The following SRD5A2 variants were observed in gnomAD, a reference collection of about 807,000 sequenced individuals.
SRD5A2 encodes steroid 5 alpha-reductase 2.
A neutral mutation model predicts 27.4 loss-of-function variants in SRD5A2; 30 were observed. The ratio of observed to expected loss-of-function variants is 1.10; its 90% CI spans 0.82 to 1.49. The LOEUF is 1.49. Among genes scored for constraint, SRD5A2 ranks in the 40% most tolerant of loss-of-function variants. SRD5A2 has a pLI of 0.00. For missense variants in SRD5A2, 348 were observed against 323.4 expected (o/e 1.08, Z -0.58); for synonymous variants, 141 against 133.6 (o/e 1.06, Z -0.38).
At chr2:31,634,294 T>C in the SRD5A2 span, among the ~76,000 whole-genome samples, 46 of 152,012 alleles carry the variant, frequency 3.0e-4, 1 homozygote, top group East Asian at 8.1e-3. Flanking sequence ...TCAAAAGAAG[T>C]TACACTGAAA....
rs115721563 is a variant in SRD5A2, at chr2:31,539,983, C to T, written c.282-6217G>A. Among the ~76,000 whole-genome samples the T allele has an allele frequency of 6.6e-3, 999 of 152,196 alleles. 14 individuals carry two copies. Among genetic ancestry groups the T allele is most frequent in the African/African-American group, 0.023 (941 of 41,528 alleles). ...TTAAAAATCAATAGATGCCAATACA[C>T]TGTATTATGTAATTCTAAATGTACG... On this transcript the variant is annotated intron_variant, in intron 1 of 4. Coordinates refer to ENST00000622030, the MANE Select transcript of SRD5A2 (RefSeq NM_000348.4).
intron 1 of SRD5A2, 108 bp from the exon 2 acceptor site, chr2:31,533,874 G>T: frequency 1.6e-6 from 2 of 1,263,772 alleles, no homozygotes; most frequent in Non-Finnish European, 2.1e-6. Context: ...ACCAGGCTCT[G>T]CCATTTCGCC....
intron 1 of SRD5A2, among the ~76,000 whole-genome samples, chr2:31,574,910 G>T (rs1666925615): frequency 6.6e-6 from 1 of 152,180 alleles, no homozygotes; most frequent in Non-Finnish European, 1.5e-5. Flanking sequence ...ACATTCATCT[G>T]TTTACATAAT....
the SRD5A2 span, among the ~76,000 whole-genome samples, chr2:31,652,079 C>G: frequency 6.6e-6 from 1 of 152,154 alleles, no homozygotes. Flanking sequence ...CCACCTTAGC[C>G]CCCCAGTAGC....
At chr2:31,614,831 C>A in the SRD5A2 span, among the ~76,000 whole-genome samples, 1 of 152,062 alleles carries the variant, frequency 6.6e-6, no homozygotes, top group Admixed American at 6.6e-5. Flanking sequence ...GTCCTCATCC[C>A]AATCTTATCT....
the SRD5A2 span, among the ~76,000 whole-genome samples, chr2:31,630,421 T>C: frequency 8.5e-5 from 13 of 152,158 alleles, no homozygotes; most frequent in Admixed American, 5.2e-4. Flanking sequence ...AGGGTAAATT[T>C]AAAACCTATA....
the SRD5A2 span, among the ~76,000 whole-genome samples, chr2:31,647,440 T>C: frequency 6.6e-6 from 1 of 152,160 alleles, no homozygotes; most frequent in African/African-American, 2.4e-5. Flanking sequence ...CATTCCCCCG[T>C]TTTACCTTCC....
intron 1 of SRD5A2, among the ~76,000 whole-genome samples, chr2:31,577,158 AC>A (rs1302109957): frequency 6.3e-4 from 25 of 39,522 alleles, no homozygotes; most frequent in Admixed American, 2.3e-3. Context: ...AAAAAAAAAA[AC>A]ATTAAAAAAA....
chr2:31,529,310 T>A lies in SRD5A2; in HGVS notation c.695A>T (p.His232Leu), dbSNP rs748899308. 8 of 1,613,778 alleles carry A rather than the reference T, an allele frequency of 5.0e-6. No individual in the cohort carries two copies. Among genetic ancestry groups the A allele is most frequent in the Non-Finnish European group, 5.9e-6 (7 of 1,179,794 alleles). ...CCGCTTTTATTGAAAAATTTACCTATGGTGGTGAAAAGCTCGCAGCCCAAG... is the reference window on the plus strand; with the variant it reads ...CCGCTTTTATTGAAAAATTTACCTAAGGTGGTGAAAAGCTCGCAGCCCAAG... ...CFLGLRAFHH[H>L]RFYLKMFEDY... Residue 232 changes from histidine to leucine, a missense_variant, in exon 4 of 5, where the codon CAT (histidine) becomes CTT (leucine). Transcript: ENST00000622030.
the SRD5A2 span, among the ~76,000 whole-genome samples, chr2:31,619,281 A>AAGT: frequency 6.6e-6 from 1 of 152,216 alleles, no homozygotes; most frequent in East Asian, 1.9e-4. Context: ...TAGAGTTACC[A>AAGT]CATGACCGAG....
chr2:31,580,587 C>G, intron 1 of SRD5A2, 33 bp downstream of exon 1: 1 of 1,493,812 alleles, frequency 6.7e-7, no homozygotes, highest in African/African-American at 1.4e-5. Context: ...GGGCAGTGCG[C>G]TGCACTGGGC....
At chr2:31,535,412 G>A (rs541111146) in intron 1 of SRD5A2, among the ~76,000 whole-genome samples, 1 of 152,226 alleles carries the variant, frequency 6.6e-6, no homozygotes, top group South Asian at 2.1e-4. Flanking sequence ...TTCCTCTCTT[G>A]GCTTGAATAT....
At chr2:31,645,234 A>C in the SRD5A2 span, among the ~76,000 whole-genome samples, 1 of 152,210 alleles carries the variant, frequency 6.6e-6, no homozygotes, top group South Asian at 2.1e-4. Flanking sequence ...AAAATGAATA[A>C]GACCTACTGT....
At chr2:31,532,763 G>C (rs1327218785) in intron 2 of SRD5A2, among the ~76,000 whole-genome samples, 1 of 151,926 alleles carries the variant, frequency 6.6e-6, no homozygotes, top group Non-Finnish European at 1.5e-5. Context: ...AAGATCATTA[G>C]CCTGGAAGAA....
the SRD5A2 span, among the ~76,000 whole-genome samples, chr2:31,628,505 C>T: frequency 6.6e-6 from 1 of 152,072 alleles, no homozygotes; most frequent in Admixed American, 6.6e-5. Flanking sequence ...GGATTCGATC[C>T]TGTCATCATA....
intron 3 of SRD5A2, 33 bp downstream of exon 3, chr2:31,531,338 A>C (rs764137587): frequency 6.9e-7 from 1 of 1,451,746 alleles, no homozygotes; most frequent in Non-Finnish European, 9.5e-7. Flanking sequence ...GCTCCAGGGA[A>C]GAGTGAGAGT....
chr2:31,578,829 C>T (rs768002742), intron 1 of SRD5A2, among the ~76,000 whole-genome samples: 4 of 151,972 alleles, frequency 2.6e-5, no homozygotes, highest in Non-Finnish European at 5.9e-5. Flanking sequence ...GTGCAAAGTG[C>T]CTTTTGATTT....
At chr2:31,571,334 T>G (rs1471518960) in intron 1 of SRD5A2, among the ~76,000 whole-genome samples, 2 of 152,206 alleles carry the variant, frequency 1.3e-5, no homozygotes, top group Admixed American at 1.3e-4. Context: ...AAATTGGAAC[T>G]GGACCACTAC....
At chr2:31,526,305 T>G in intron 4 of SRD5A2, 43 bp from the exon 5 acceptor site, 1 of 1,287,022 alleles carries the variant, frequency 7.8e-7, no homozygotes, top group Non-Finnish European at 1.1e-6. Flanking sequence ...AATGGAGCAG[T>G]GGCTGACAGC....
Sources: allele counts gnomAD v4.1 joint callset (sites outside exome capture counted in the v4.1 genomes callset), GRCh38; gene constraint gnomAD v4.1.1; transcripts MANE v1.5; gene names NCBI Gene and HGNC (gene_info 2026-07-23, HGNC 2026-07-21).